The following CORIN variants were observed in gnomAD, a reference collection of about 807,000 sequenced individuals.
The protein encoded by CORIN is atrial natriuretic peptide-converting enzyme.
A neutral mutation model predicts 125.3 loss-of-function variants in CORIN; 117 were observed. The ratio of observed to expected loss-of-function variants is 0.93; its 90% CI spans 0.80 to 1.09. CORIN has a LOEUF of 1.09. Ranked by LOEUF, CORIN falls within the 50% of genes least tolerant of loss-of-function variation. The pLI, the probability that CORIN is intolerant of heterozygous loss-of-function variation, is 0.00. For synonymous variants in CORIN, 450 were observed against 466.4 expected (o/e 0.96, Z 0.45); for missense variants, 1,253 against 1,306.7 (o/e 0.96, Z 0.63).
At chr4:47,685,388 C>A (rs1045574348) in intron 6 of CORIN, among the ~76,000 whole-genome samples, 2 of 152,104 alleles carry the variant, frequency 1.3e-5, no homozygotes, top group Non-Finnish European at 2.9e-5. Context: ...CAAAAAGTTA[C>A]GCTGTGTGAA....
intron 21 of CORIN, among the ~76,000 whole-genome samples, chr4:47,597,351 C>A (rs939798756): frequency 3.7e-3 from 433 of 117,482 alleles, no homozygotes; most frequent in Non-Finnish European, 3.7e-3. Flanking sequence ...AACTCCATCT[C>A]AAAAAAAAAA....
At chr4:47,683,943 A>C in intron 6 of CORIN, 105 bp from the exon 7 acceptor site, 1 of 743,792 alleles carries the variant, frequency 1.3e-6, no homozygotes, top group Non-Finnish European at 2.2e-6. Context: ...CCTAATGGTA[A>C]CCTGGTCCAC....
At chr4:47,715,376 CA>C (rs1323819174) in intron 5 of CORIN, among the ~76,000 whole-genome samples, 1 of 152,134 alleles carries the variant, frequency 6.6e-6, no homozygotes, top group Non-Finnish European at 1.5e-5. Context: ...GAGGCAGAGG[CA>C]GGCGGATTGC....
Position 47,595,792 on chromosome 4 carries a change from A to G in CORIN, c.3058T>C (p.Tyr1020His). The G allele has an allele frequency of 6.2e-7, 1 of 1,613,626 alleles. No individual in the cohort carries two copies. The highest frequency in any genetic ancestry group is 8.5e-7 in the Non-Finnish European group (1 of 1,179,754). ...TCGACGAAATATGACACATTACTAT[A>G]AACGCCAGGCCCCAGGACTTTGGAA... ...CFSKVLGPGV[Y>H]SNVSYFVEWI... Residue 1020 changes from tyrosine to histidine, a missense_variant, in exon 22 of 22, where the codon TAT becomes CAT. Physicochemically the swap from Tyr to His is moderately conservative, Grantham distance 83. Transcript: ENST00000273857.
chr4:47,692,607 A>C (rs1430922818), intron 6 of CORIN, among the ~76,000 whole-genome samples: 1 of 152,206 alleles, frequency 6.6e-6, no homozygotes, highest in Admixed American at 6.5e-5. Flanking sequence ...GTTAAGAATC[A>C]TTAGGGTGAA....
chr4:47,607,280 T>C (rs532266985), intron 19 of CORIN, among the ~76,000 whole-genome samples: 2 of 151,766 alleles, frequency 1.3e-5, no homozygotes, highest in Admixed American at 1.3e-4. Flanking sequence ...TGGTGGCGGG[T>C]GCCTGTAGTC....
intron 5 of CORIN, among the ~76,000 whole-genome samples, chr4:47,715,635 G>A (rs1727055182): frequency 6.6e-6 from 1 of 152,044 alleles, no homozygotes; most frequent in African/African-American, 2.4e-5. Flanking sequence ...TTGGAACCAG[G>A]AATAATCTAC....
At chr4:47,707,098 T>G (rs1726605891) in intron 5 of CORIN, 1 of 1,416,282 alleles carries the variant, frequency 7.1e-7, no homozygotes, top group African/African-American at 1.4e-5. Context: ...TCTTGAATGC[T>G]TTGTCAAATT....
intron 2 of CORIN, among the ~76,000 whole-genome samples, chr4:47,800,039 T>C (rs935583034): frequency 5.9e-5 from 9 of 152,172 alleles, no homozygotes; most frequent in Admixed American, 3.9e-4. Context: ...AATAGGTACA[T>C]CTACAGTGAA....
At position 47,755,533 on chromosome 4, in the gene CORIN, T is replaced by C. The variant is rs143997724; in HGVS notation, c.617+7846A>G. ...GAAAGTCTTTTTAACTGAGTGCATA[T>C]GAGTTAATATTAAGAAGAAGCACAG... On this transcript the variant is annotated intron_variant, in intron 4 of 21. Transcript: ENST00000273857. Among the ~76,000 whole-genome samples, 539 of 152,356 alleles carry C rather than the reference T, an allele frequency of 3.5e-3. 2 individuals carry two copies. Among genetic ancestry groups the C allele is most frequent in the African/African-American group, 0.012 (495 of 41,584 alleles).
At chr4:47,614,222 C>A (rs559162186) in intron 19 of CORIN, among the ~76,000 whole-genome samples, 1 of 152,102 alleles carries the variant, frequency 6.6e-6, no homozygotes, top group African/African-American at 2.4e-5. Flanking sequence ...GACAGAGTTT[C>A]GCTCTTGTTG....
chr4:47,745,102 T>C (rs1022463436), intron 4 of CORIN, among the ~76,000 whole-genome samples: 1 of 152,192 alleles, frequency 6.6e-6, no homozygotes, highest in African/African-American at 2.4e-5. Context: ...TGGAAGACCT[T>C]GTACAGTTAT....
chr4:47,706,820 T>C (rs2109769446), intron 5 of CORIN: 1 of 1,598,254 alleles, frequency 6.3e-7, no homozygotes, highest in Non-Finnish European at 8.5e-7. Flanking sequence ...TGACACCCCA[T>C]GGATCACCAA....
At chr4:47,787,696 G>A (rs1043702675) in intron 2 of CORIN, among the ~76,000 whole-genome samples, 1 of 152,240 alleles carries the variant, frequency 6.6e-6, no homozygotes, top group African/African-American at 2.4e-5. Flanking sequence ...GGTGATTTGT[G>A]AGATTTTGGT....
chr4:47,692,220 T>C (rs1378605031), intron 6 of CORIN, among the ~76,000 whole-genome samples: 1 of 152,252 alleles, frequency 6.6e-6, no homozygotes, highest in Non-Finnish European at 1.5e-5. Flanking sequence ...TTAGAACTCT[T>C]GCATGTAGTG....
intron 16 of CORIN, 98 bp from the exon 17 acceptor site, chr4:47,626,619 C>A: frequency 1.2e-6 from 1 of 806,904 alleles, no homozygotes; most frequent in South Asian, 1.4e-5. Flanking sequence ...AAAAGAAGCA[C>A]TAAATCATGT....
chr4:47,626,060 A>G (rs972434979), intron 17 of CORIN, among the ~76,000 whole-genome samples: 4 of 152,186 alleles, frequency 2.6e-5, no homozygotes, highest in African/African-American at 9.6e-5. Flanking sequence ...TCATTACTTC[A>G]GTTCCCTCTG....
At chr4:47,613,509 T>G (rs575916515) in intron 19 of CORIN, among the ~76,000 whole-genome samples, 1 of 151,956 alleles carries the variant, frequency 6.6e-6, no homozygotes, top group East Asian at 1.9e-4. Context: ...AGGCATGAAA[T>G]CAAAGTAATT....
intron 4 of CORIN, among the ~76,000 whole-genome samples, chr4:47,752,820 T>C (rs1481984727): frequency 6.6e-6 from 1 of 152,186 alleles, no homozygotes; most frequent in Non-Finnish European, 1.5e-5. Flanking sequence ...TCATTAATAT[T>C]TGGCATACTT....
Sources: gnomAD v4.1 joint callset for allele counts (sites outside exome capture counted in the v4.1 genomes callset) on GRCh38, gnomAD v4.1.1 for gene constraint, MANE v1.5 for transcripts, NCBI Gene and HGNC (gene_info 2026-07-23, HGNC 2026-07-21) for gene names.